The following KLRG2 variants were observed in gnomAD, a reference collection of about 807,000 sequenced individuals.
The protein encoded by KLRG2 is killer cell lectin like receptor G2, also known as killer cell lectin-like receptor subfamily G member 2.
A neutral mutation model predicts 35.4 loss-of-function variants in KLRG2; 39 were observed. That is an observed-to-expected ratio of 1.10 (90% CI 0.85 to 1.44). The LOEUF (loss-of-function observed/expected upper bound fraction) is 1.44. Among genes scored for constraint, KLRG2 ranks in the 40% most tolerant of loss-of-function variants. KLRG2 has a pLI of 0.00. For synonymous variants in KLRG2, 283 were observed against 265.8 expected (o/e 1.06, Z -0.63); for missense variants, 632 against 570.9 (o/e 1.11, Z -1.09).
chr7:139,464,518 A>G (rs191024800), intron 3 of KLRG2, among the ~76,000 whole-genome samples: 19 of 152,222 alleles, frequency 1.2e-4, no homozygotes, highest in Non-Finnish European at 2.5e-4. Flanking sequence ...CCATTATTCT[A>G]TTCTAGATAA....
the KLRG2 span, among the ~76,000 whole-genome samples, chr7:139,429,786 G>A: frequency 5.4e-3 from 820 of 152,230 alleles, 5 homozygotes; most frequent in Non-Finnish European, 6.9e-3. Flanking sequence ...ACACAGACAC[G>A]GCAACCATTC....
At chr7:139,465,394 C>T (rs1796634022) in intron 3 of KLRG2, among the ~76,000 whole-genome samples, 1 of 152,180 alleles carries the variant, frequency 6.6e-6, no homozygotes, top group Non-Finnish European at 1.5e-5. Context: ...CGCTTTACTT[C>T]CAAAGGAGGC....
chr7:139,450,469 C>A (rs1426165442), downstream of KLRG2, among the ~76,000 whole-genome samples: 1 of 152,082 alleles, frequency 6.6e-6, no homozygotes, highest in Non-Finnish European at 1.5e-5. Flanking sequence ...GTGATCTGCC[C>A]ACCGTGGCCT....
intron 3 of KLRG2, among the ~76,000 whole-genome samples, chr7:139,477,660 G>A (rs935352574): frequency 6.6e-6 from 1 of 152,138 alleles, no homozygotes; most frequent in Non-Finnish European, 1.5e-5. Flanking sequence ...GGAGATGGAT[G>A]GTGGTGATAG....
intron 3 of KLRG2, among the ~76,000 whole-genome samples, chr7:139,463,500 G>A (rs117600223): frequency 0.029 from 4,356 of 152,220 alleles, 97 homozygotes; most frequent in Non-Finnish European, 0.039. Context: ...TGCCTAAGCC[G>A]CGCACACCTA....
At chr7:139,463,022 G>C (rs768440715) in intron 3 of KLRG2, among the ~76,000 whole-genome samples, 1 of 152,078 alleles carries the variant, frequency 6.6e-6, no homozygotes, top group African/African-American at 2.4e-5. Context: ...CACCCGACGC[G>C]GCTTACAGTT....
At chr7:139,469,264 A>G (rs1480393379) in intron 3 of KLRG2, among the ~76,000 whole-genome samples, 1 of 152,124 alleles carries the variant, frequency 6.6e-6, no homozygotes. Context: ...GGTTCAAGCG[A>G]GTCTCCTGCC....
chr7:139,482,215 A>G lies in KLRG2; in HGVS notation c.757+671T>C, dbSNP rs372024484. 2.8e-4 allele frequency among the ~76,000 whole-genome samples: 43 copies of G among 152,294 alleles called. No individual in the cohort carries two copies. The East Asian group carries it at 7.9e-3, about 28-fold the overall frequency. ...AAAGCAGCAGCCTGGACCTTCCAGAAAGTCCTTGGCAGTGCAGGGATGGGG... is the reference window on the plus strand; with the variant it reads ...AAAGCAGCAGCCTGGACCTTCCAGAGAGTCCTTGGCAGTGCAGGGATGGGG... On this transcript the variant is annotated intron_variant, in intron 1 of 4. Transcript: ENST00000340940.
chr7:139,457,346 C>A (rs1478090817), intron 3 of KLRG2, among the ~76,000 whole-genome samples: 1 of 152,114 alleles, frequency 6.6e-6, no homozygotes, highest in Non-Finnish European at 1.5e-5. Flanking sequence ...TTTGGGAAGG[C>A]ACACCAGGGC....
chr7:139,431,684 G>A, the KLRG2 span, among the ~76,000 whole-genome samples: 1 of 152,192 alleles, frequency 6.6e-6, no homozygotes, highest in East Asian at 1.9e-4. Context: ...AATGTTGAGT[G>A]TCAGTTTCAA....
At position 139,479,645 on chromosome 7, in the gene KLRG2, GGGGA is replaced by G; in HGVS notation, c.983_986del (p.Leu328ProfsTer3). 3.1e-6 allele frequency: 5 copies of G among 1,613,332 alleles called. No individual in the cohort carries two copies. The highest frequency in any genetic ancestry group is 4.2e-6 in the Non-Finnish European group (5 of 1,180,002). ...TTCTCACCTGGGTGTGGCTTAGCAGGGGGAGGGTAGCGTGGTAGGCTGAGCAGAA... is the reference window on the plus strand; with the variant it reads ...TTCTCACCTGGGTGTGGCTTAGCAGGGGGTAGCGTGGTAGGCTGAGCAGAA... On this transcript the variant is annotated frameshift_variant, in exon 3 of 5. Transcript: ENST00000340940. LOFTEE classifies it high-confidence loss of function.
the KLRG2 span, among the ~76,000 whole-genome samples, chr7:139,439,971 C>A: frequency 6.6e-6 from 1 of 152,164 alleles, no homozygotes; most frequent in East Asian, 1.9e-4. Flanking sequence ...GGGCCATGTT[C>A]CCTCTGATGG....
chr7:139,456,523 G>A (rs1029439958), intron 3 of KLRG2, among the ~76,000 whole-genome samples: 2 of 151,996 alleles, frequency 1.3e-5, no homozygotes, highest in African/African-American at 4.8e-5. Flanking sequence ...CTGCCATGAC[G>A]CCCAATTTAG....
At chr7:139,470,795 AC>A (rs1297513810) in intron 3 of KLRG2, among the ~76,000 whole-genome samples, 2 of 152,122 alleles carry the variant, frequency 1.3e-5, no homozygotes, top group African/African-American at 4.8e-5. Flanking sequence ...TCTAAAAAAA[AC>A]AAAAACAAAA....
the KLRG2 span, among the ~76,000 whole-genome samples, chr7:139,439,364 G>A: frequency 3.7e-3 from 568 of 152,324 alleles, 6 homozygotes; most frequent in African/African-American, 0.013. Flanking sequence ...GTGGATGTGG[G>A]GTCATGGGGA....
At chr7:139,477,517 C>A (rs1796871559) in intron 3 of KLRG2, among the ~76,000 whole-genome samples, 1 of 151,994 alleles carries the variant, frequency 6.6e-6, no homozygotes, top group Admixed American at 6.6e-5. Flanking sequence ...GTATGAGGTT[C>A]TTAGAATAGT....
At chr7:139,454,548 G>A (rs759277314) in intron 3 of KLRG2, among the ~76,000 whole-genome samples, 24 of 152,056 alleles carry the variant, frequency 1.6e-4, no homozygotes, top group Non-Finnish European at 3.1e-4. Context: ...AGGCACGGTG[G>A]CTCATGCCTG....
At chr7:139,443,446 T>G in the KLRG2 span, among the ~76,000 whole-genome samples, 1 of 152,160 alleles carries the variant, frequency 6.6e-6, no homozygotes, top group African/African-American at 2.4e-5. Context: ...TAAAATGACT[T>G]GATCAACATG....
At chr7:139,472,602 G>A (rs1339688619) in intron 3 of KLRG2, among the ~76,000 whole-genome samples, 3 of 151,604 alleles carry the variant, frequency 2.0e-5, no homozygotes, top group Non-Finnish European at 2.9e-5. Flanking sequence ...AAAAGAATGG[G>A]AAGAGACAAC....
Sources: gnomAD v4.1 joint callset for allele counts (sites outside exome capture counted in the v4.1 genomes callset) on GRCh38, gnomAD v4.1.1 for gene constraint, MANE v1.5 for transcripts, NCBI Gene and HGNC (gene_info 2026-07-23, HGNC 2026-07-21) for gene names.